Variants in MIA2 observed in about 807,000 individuals in gnomAD.
MIA2 encodes the protein MIA SH3 domain ER export factor 2.
Under a neutral mutation model 167.8 loss-of-function variants are expected in MIA2, and 127 were observed. That is an observed-to-expected ratio of 0.76 (90% CI 0.66 to 0.88). MIA2 has a LOEUF of 0.88. Ranked by LOEUF, MIA2 falls within the 40% of genes least tolerant of loss-of-function variation. MIA2 has a pLI of 0.00. For missense variants in MIA2, 1,690 were observed against 1,624.7 expected (o/e 1.04, Z -0.69); for synonymous variants, 552 against 541.9 (o/e 1.02, Z -0.26).
intron 6 of MIA2, chr14:39,265,644 TG>T: frequency 2.4e-6 from 1 of 410,044 alleles, no homozygotes; most frequent in Non-Finnish European, 4.3e-6. Context: ...GTTTTTTTTT[TG>T]TTTTTGTTTT....
chr14:39,278,858 G>A (rs1028851597), intron 7 of MIA2, among the ~76,000 whole-genome samples: 3 of 152,142 alleles, frequency 2.0e-5, no homozygotes, highest in African/African-American at 2.4e-5. Context: ...TCAATAGGGA[G>A]TCTTTAATAA....
chr14:39,250,704 AT>A (rs1428193063), intron 4 of MIA2, among the ~76,000 whole-genome samples: 6 of 33,654 alleles, frequency 1.8e-4, no homozygotes, highest in Non-Finnish European at 3.4e-4. Context: ...TCAAAAAAAA[AT>A]ATGCATATAT....
At chr14:39,252,452 G>C (rs1774219439) in intron 4 of MIA2, among the ~76,000 whole-genome samples, 1 of 152,160 alleles carries the variant, frequency 6.6e-6, no homozygotes, top group Admixed American at 6.6e-5. Flanking sequence ...CTGCCCTAGA[G>C]CCTCCTGAAG....
At chr14:39,254,584 G>A (rs2054731147) in intron 6 of MIA2, among the ~76,000 whole-genome samples, 2 of 152,186 alleles carry the variant, frequency 1.3e-5, no homozygotes, top group Admixed American at 1.3e-4. Context: ...GTGGGTAAAG[G>A]TGAGAACTGT....
At chr14:39,331,129 ATCTG>A (rs1357128226) in intron 25 of MIA2, among the ~76,000 whole-genome samples, 1 of 151,884 alleles carries the variant, frequency 6.6e-6, no homozygotes, top group Non-Finnish European at 1.5e-5. Context: ...TGCTTTATGA[ATCTG>A]CATGCTCATG....
intron 4 of MIA2, among the ~76,000 whole-genome samples, chr14:39,251,274 C>T (rs781618470): frequency 3.3e-5 from 5 of 152,088 alleles, no homozygotes; most frequent in East Asian, 3.9e-4. Flanking sequence ...ATGTGCATAA[C>T]GATTTTACAA....
At chr14:39,353,374 C>T (rs1369030230), downstream of MIA2, among the ~76,000 whole-genome samples, 1 of 152,094 alleles carries the variant, frequency 6.6e-6, no homozygotes, top group South Asian at 2.1e-4. Context: ...TCTCTGGTAT[C>T]TATCATTCTA....
In MIA2 at chr14:39,304,699, CTT is replaced by C. The variant is rs529301147; in HGVS notation, c.2878+319_2878+320del. ...GATGTTAAAAAGTAGCAAATTGAAA[CTT>C]AATGTTTAAAGTCTTTGTTAATTGA... On this transcript the variant is annotated intron_variant, in intron 17 of 28. Coordinates refer to ENST00000640607, the MANE Select transcript of MIA2 (RefSeq NM_001329214.4). Among the ~76,000 whole-genome samples, 40 of 152,190 alleles carry C rather than the reference CTT, an allele frequency of 2.6e-4. No homozygotes were observed. The South Asian group carries it at 7.0e-3, about 27-fold the overall frequency.
chr14:39,338,408 C>G (rs1343206643), intron 25 of MIA2, among the ~76,000 whole-genome samples: 5 of 151,984 alleles, frequency 3.3e-5, no homozygotes, highest in Admixed American at 3.3e-4. Flanking sequence ...CAGGGAAGTA[C>G]AAATATTAAG....
In MIA2 at chr14:39,279,274, A is replaced by G. The variant is rs2058592234; in HGVS notation, c.2020-63A>G. 5 of 1,428,730 alleles carry G rather than the reference A, an allele frequency of 3.5e-6. No homozygotes were observed. The African/African-American group carries it at 5.8e-5, about 16-fold the overall frequency. 88.5% of individuals were successfully genotyped at this position (1,428,730 alleles called of 1,614,324 possible). A position where few individuals can be genotyped will look rare whatever the true frequency, so the allele number is the denominator to read the frequency against. The stretch of plus-strand genomic sequence containing the variant: ...TTTCTAAGTTGGCAGTAGACGTTAA[A>G]TGAATTGATTTACTTGAGAGCGTAT... On this transcript the variant is annotated intron_variant, in intron 7 of 28. Transcript: ENST00000640607.
chr14:39,320,372 T>C (rs565639031), intron 23 of MIA2, among the ~76,000 whole-genome samples: 2 of 152,308 alleles, frequency 1.3e-5, no homozygotes, highest in Admixed American at 1.3e-4. Context: ...GTTGATAAAT[T>C]AGTATTTGTA....
In MIA2 at chr14:39,350,247, C is replaced by T. The variant is rs1486579206; in HGVS notation, c.4222C>T (p.Pro1408Ser). ...TGAGCCTGCTACTGAACATCCAGAA[C>T]CACAGCAAGAAACCTGACAATATTT... ...SNEPATEHPEPQQET is the reference protein window; with the variant it reads ...SNEPATEHPESQQET The change falls in exon 29 of 29, where the codon CCA becomes TCA. Residue 1408 changes from proline (P) to serine (S), a missense_variant. Physicochemically the swap from Pro to Ser is moderately conservative, Grantham distance 74. Transcript: ENST00000640607. 1.3e-6 allele frequency: 2 copies of T among 1,484,262 alleles called. No homozygotes were observed. The highest frequency in any genetic ancestry group is 1.8e-6 in the Non-Finnish European group (2 of 1,115,276). The allele number at this position is 1,484,262 out of a possible 1,614,324, so 91.9% of individuals were successfully genotyped here.
chr14:39,343,628 T>G (rs932866100), intron 25 of MIA2, among the ~76,000 whole-genome samples: 17 of 152,206 alleles, frequency 1.1e-4, no homozygotes, highest in Non-Finnish European at 2.1e-4. Flanking sequence ...CATTCTTTCT[T>G]TCTAATCATG....
intron 23 of MIA2, among the ~76,000 whole-genome samples, chr14:39,363,975 G>C (rs550081152): frequency 6.6e-6 from 1 of 152,260 alleles, no homozygotes; most frequent in African/African-American, 2.4e-5. Flanking sequence ...AATTCACTCA[G>C]CCAGTCTACA....
chr14:39,247,487 C>A lies in MIA2; in HGVS notation c.913C>A (p.Gln305Lys). The A allele has an allele frequency of 6.2e-7, 1 of 1,613,874 alleles. No homozygotes were observed. Among genetic ancestry groups the A allele is most frequent in the Non-Finnish European group, 8.5e-7 (1 of 1,179,926 alleles). ...ASESEHIPKP[Q>K]STGWFGGGFT... ...TGAGTCAGAGCACATTCCCAAACCTCAATCCACTGGTTGGTTTGGTGGAGG... is the reference window on the plus strand; with the variant it reads ...TGAGTCAGAGCACATTCCCAAACCTAAATCCACTGGTTGGTTTGGTGGAGG... Residue 305 changes from glutamine (Q) to lysine (K), a missense_variant, in exon 4 of 29, where the codon CAA becomes AAA. Transcript: ENST00000640607.
intron 2 of MIA2, among the ~76,000 whole-genome samples, chr14:39,237,770 G>A (rs369684692): frequency 5.3e-5 from 8 of 152,092 alleles, no homozygotes; most frequent in Non-Finnish European, 7.4e-5. Context: ...ACAAAGTCTC[G>A]CTCTTGTTGC....
At chr14:39,337,594 A>G (rs1416022932) in intron 25 of MIA2, among the ~76,000 whole-genome samples, 2 of 152,256 alleles carry the variant, frequency 1.3e-5, no homozygotes, top group Non-Finnish European at 2.9e-5. Context: ...ATGTTCTTTG[A>G]TCACAATGGA....
intron 9 of MIA2, among the ~76,000 whole-genome samples, chr14:39,286,961 A>C (rs1276761217): frequency 6.6e-6 from 1 of 151,940 alleles, no homozygotes. Context: ...TCTGACCTCA[A>C]GTGATCTGCC....
intron 26 of MIA2, chr14:39,346,986 G>A: frequency 4.4e-6 from 1 of 229,446 alleles, no homozygotes; most frequent in Non-Finnish European, 8.7e-6. Flanking sequence ...CTGGAGTGCA[G>A]TGGCTCCATC....
Sources: gnomAD v4.1 joint callset for allele counts (sites outside exome capture counted in the v4.1 genomes callset) on GRCh38, gnomAD v4.1.1 for gene constraint, MANE v1.5 for transcripts, NCBI Gene and HGNC (gene_info 2026-07-23, HGNC 2026-07-21) for gene names.